The following RRBP1 variants were observed in gnomAD, a reference collection of about 807,000 sequenced individuals.
RRBP1 encodes ribosome-binding protein 1.
Under a neutral mutation model 165.2 loss-of-function variants are expected in RRBP1, and 94 were observed. The ratio of observed to expected loss-of-function variants is 0.57; its 90% CI spans 0.48 to 0.68. RRBP1 has a LOEUF of 0.68. Ranked by LOEUF, RRBP1 falls within the 30% of genes least tolerant of loss-of-function variation. The pLI, the probability that RRBP1 is intolerant of heterozygous loss-of-function variation, is 0.00. For synonymous variants in RRBP1, 680 were observed against 714.5 expected (o/e 0.95, Z 0.77); for missense variants, 1,676 against 1,763.0 (o/e 0.95, Z 0.88).
At chr20:17,633,965 T>C (rs979646412) in intron 7 of RRBP1, among the ~76,000 whole-genome samples, 2 of 152,228 alleles carry the variant, frequency 1.3e-5, no homozygotes, top group African/African-American at 4.8e-5. Context: ...TGACGCCCTG[T>C]AGGCCTGTGG....
rs752660017 is a variant in RRBP1 at position 17,658,953 on chromosome 20, CCT to C, written c.1553_1554del (p.Gln518ArgfsTer2). 10 of 1,612,826 alleles carry C rather than the reference CCT, an allele frequency of 6.2e-6. No individual in the cohort carries two copies. The highest frequency in any genetic ancestry group is 8.5e-6 in the Non-Finnish European group (10 of 1,179,794). ...QGQKGEGAQN[Q>X]GKKTEGAQGK... is the part of the protein sequence containing the mutation. ...CCCTGAGCCCCTTCTGTCTTTTTAC[CCT>C]GATTCTGGGCTCCCTCTCCTTTTTG... On this transcript the variant is annotated frameshift_variant, in exon 3 of 25. Transcript: ENST00000377813. LOFTEE classifies it high-confidence loss of function.
At chr20:17,626,615 T>G (rs1290887833) in intron 11 of RRBP1, among the ~76,000 whole-genome samples, 2 of 151,966 alleles carry the variant, frequency 1.3e-5, no homozygotes, top group African/African-American at 4.8e-5. Flanking sequence ...CCTCCATGCC[T>G]CCCCCACCTA....
In RRBP1 at chr20:17,658,676, T is replaced by G. The variant is rs1447784828; in HGVS notation, c.1832A>C (p.Asp611Ala). Residue 611 changes from aspartate (D) to alanine (A), a missense_variant, in exon 3 of 25, where the codon GAT becomes GCT. Coordinates refer to ENST00000377813, the MANE Select transcript of RRBP1 (RefSeq NM_001365613.2). ...TGGTGCCTCTGGGCTCTGGGCCACA[T>G]CTGTATTTCTGCCCTGGACAGAAGC... ...ESASVQGRNT[D>A]VAQSPEAPKQ... 6.2e-7 allele frequency: 1 copy of G among 1,614,228 alleles called. No homozygotes were observed. The highest frequency in any genetic ancestry group is 2.2e-5 in the East Asian group (1 of 44,872).
At chr20:17,618,840 C>G in intron 19 of RRBP1, 161 bp from the exon 20 acceptor site, 1 of 620,726 alleles carries the variant, frequency 1.6e-6, no homozygotes, top group Admixed American at 2.6e-5. Flanking sequence ...GCCAGGCTTC[C>G]TACAGCTACG....
Position 17,660,088 on chromosome 20 carries a change from C to T in RRBP1, c.420G>A (p.Lys140=). 4 of 1,614,064 alleles carry T rather than the reference C, an allele frequency of 2.5e-6. No homozygotes were observed. The highest frequency in any genetic ancestry group is 3.4e-6 in the Non-Finnish European group (4 of 1,180,000). The change falls in exon 3 of 25, where the codon AAG becomes AAA. Residue 140 remains lysine, a synonymous_variant. Transcript: ENST00000377813. ...CTTTTGCCACTTTTTTCTCCTTCTT[C>T]TTTTTGTCCTTGGGGGAGGAGGCCA... The part of the protein sequence containing the change: ...EKLASSPKDK[K]KKEKKVAKVE...
chr20:17,627,838 C>T (rs533279384), intron 9 of RRBP1, among the ~76,000 whole-genome samples, 156 bp from the exon 10 acceptor site: 77 of 152,304 alleles, frequency 5.1e-4, no homozygotes, highest in African/African-American at 1.7e-3. Context: ...TACTACTGAC[C>T]ACTGGGGCCT....
In RRBP1 at chr20:17,616,355, G is replaced by T. The variant is rs138366812; in HGVS notation, c.3868-346C>A. Among the ~76,000 whole-genome samples the T allele has an allele frequency of 9.1e-4, 138 of 152,318 alleles. 1 individual carries two copies. The Middle Eastern group carries it at 0.017, about 19-fold the overall frequency. On this transcript the variant is annotated intron_variant, in intron 21 of 24. Coordinates refer to ENST00000377813, the MANE Select transcript of RRBP1 (RefSeq NM_001365613.2). ...GAGGACTCTTGGTGGCTATTGCCGG[G>T]CTCAAAACTCTGGAGAGCGAATATC... is the stretch of plus-strand genomic sequence containing the variant.
chr20:17,619,851 C>G, intron 18 of RRBP1, 123 bp from the exon 19 acceptor site: 1 of 624,686 alleles, frequency 1.6e-6, no homozygotes, highest in Non-Finnish European at 2.7e-6. Flanking sequence ...TGAGGCCCAC[C>G]AGCTACCAAG....
chr20:17,670,654 G>T (rs186741039), intron 2 of RRBP1, among the ~76,000 whole-genome samples: 7 of 152,154 alleles, frequency 4.6e-5, no homozygotes, highest in Admixed American at 2.0e-4. Flanking sequence ...ATCATTGCTT[G>T]TTATGTCTTT....
At chr20:17,656,227 G>A (rs1193126144) in intron 3 of RRBP1, among the ~76,000 whole-genome samples, 1 of 152,208 alleles carries the variant, frequency 6.6e-6, no homozygotes, top group East Asian at 1.9e-4. Flanking sequence ...ACACTGTGAA[G>A]AAGAAAGAAA....
rs546405970 is a variant in RRBP1 at position 17,661,215 on chromosome 20, C to T, written c.-21-687G>A. On this transcript the variant is annotated intron_variant, in intron 2 of 24. Coordinates refer to ENST00000377813, the MANE Select transcript of RRBP1 (RefSeq NM_001365613.2). ...GCCAATAAATGCTGCTACCCAGGAT[C>T]AGAGATAAAAACTTCTGCATTACAA... Among the ~76,000 whole-genome samples, 222 of 152,318 alleles carry T rather than the reference C, an allele frequency of 1.5e-3. 1 individual carries two copies. The highest frequency in any genetic ancestry group is 9.0e-4 in the Non-Finnish European group (61 of 68,032).
chr20:17,664,853 A>C (rs192024993), intron 2 of RRBP1, among the ~76,000 whole-genome samples: 1 of 152,344 alleles, frequency 6.6e-6, no homozygotes, highest in African/African-American at 2.4e-5. Context: ...TTTCCTGGGC[A>C]TAAGGTGACC....
chr20:17,616,925 C>G, intron 20 of RRBP1, 86 bp from the exon 21 acceptor site: 2 of 1,077,296 alleles, frequency 1.9e-6, no homozygotes, highest in Non-Finnish European at 2.8e-6. Context: ...CTCGGAGGAC[C>G]GTAGCTGCTC....
rs1417003877 is a variant in RRBP1, at chr20:17,660,256, AG to A, written c.251del (p.Pro84LeufsTer9). ...KKEEKPNGKI[P>X]DHDPAPNVTV... is the part of the protein sequence containing the mutation. ...TCACATTGGGGGCTGGATCATGATCAGGTATCTTCCCATTAGGTTTCTCTTC... is the reference window on the plus strand; with the variant it reads ...TCACATTGGGGGCTGGATCATGATCAGTATCTTCCCATTAGGTTTCTCTTC... On this transcript the variant is annotated frameshift_variant, in exon 3 of 25. Transcript: ENST00000377813. LOFTEE classifies it high-confidence loss of function. 1 of 1,610,424 alleles carries A rather than the reference AG, an allele frequency of 6.2e-7. No individual in the cohort carries two copies. The highest frequency in any genetic ancestry group is 8.5e-7 in the Non-Finnish European group (1 of 1,178,156).
At chr20:17,657,336 G>A (rs1191751770) in intron 3 of RRBP1, among the ~76,000 whole-genome samples, 1 of 152,214 alleles carries the variant, frequency 6.6e-6, no homozygotes, top group East Asian at 1.9e-4. Flanking sequence ...ACACGGAGCA[G>A]GGGGCTGCTG....
intron 3 of RRBP1, among the ~76,000 whole-genome samples, chr20:17,650,077 G>A (rs2122401459): frequency 6.6e-6 from 1 of 152,118 alleles, no homozygotes; most frequent in East Asian, 1.9e-4. Context: ...AAAACACCCA[G>A]AAGGATGAGA....
intron 5 of RRBP1, among the ~76,000 whole-genome samples, chr20:17,640,992 G>T (rs2036345626): frequency 6.6e-6 from 1 of 152,210 alleles, no homozygotes; most frequent in African/African-American, 2.4e-5. Context: ...GAGAGGGCAA[G>T]AGCAAGCCTG....
intron 3 of RRBP1, among the ~76,000 whole-genome samples, chr20:17,653,833 C>CAAAAA (rs1299830911): frequency 1.3e-5 from 1 of 75,604 alleles, no homozygotes; most frequent in Non-Finnish European, 2.6e-5. Flanking sequence ...GACTCCATCT[C>CAAAAA]AAAAAAAAAA....
chr20:17,679,331 A>AT (rs1387246533), intron 2 of RRBP1, among the ~76,000 whole-genome samples: 28 of 152,236 alleles, frequency 1.8e-4, no homozygotes, highest in African/African-American at 4.6e-4. Context: ...TATAACCAAT[A>AT]TTTATGATGT....
Sources: allele counts gnomAD v4.1 joint callset (sites outside exome capture counted in the v4.1 genomes callset), GRCh38; gene constraint gnomAD v4.1.1; transcripts MANE v1.5; gene names NCBI Gene and HGNC (gene_info 2026-07-23, HGNC 2026-07-21).